The following CCDC6 variants were observed in gnomAD, a reference collection of about 807,000 sequenced individuals.
CCDC6 encodes coiled-coil domain-containing protein 6.
Under a neutral mutation model 56.6 loss-of-function variants are expected in CCDC6, and 20 were observed. The observed-to-expected ratio is 0.35, with a 90% CI of 0.25 to 0.51. The LOEUF (loss-of-function observed/expected upper bound fraction) is 0.51, where lower values mean the gene tolerates loss of function less well. CCDC6 is among the 20% of genes least tolerant of loss of function. CCDC6 has a pLI of 0.95. For missense variants in CCDC6, 367 were observed against 601.1 expected, an observed-to-expected ratio of 0.61 and a Z score of 4.07; for synonymous variants, 241 against 234.4, an observed-to-expected ratio of 1.03 and a Z score of -0.26.
chr10:59,885,330 C>T (rs978829501), intron 1 of CCDC6, among the ~76,000 whole-genome samples: 23 of 152,196 alleles, frequency 1.5e-4, no homozygotes, highest in African/African-American at 5.3e-4. Context: ...AAAACACATC[C>T]TAATGAAAAA....
At chr10:59,848,572 G>A (rs905679315) in intron 2 of CCDC6, among the ~76,000 whole-genome samples, 15 of 152,138 alleles carry the variant, frequency 9.9e-5, no homozygotes, top group Non-Finnish European at 2.2e-4. Context: ...CAGCTACCTG[G>A]AAGGTGAACT....
chr10:59,896,673 GA>G (rs888502383), intron 1 of CCDC6, among the ~76,000 whole-genome samples: 8 of 150,238 alleles, frequency 5.3e-5, no homozygotes, highest in South Asian at 2.1e-4. Context: ...TACCAGGGAG[GA>G]AAAAAAAATG....
Position 59,906,510 on chromosome 10 carries a change from G to T in CCDC6, c.-86C>A. 2 of 1,178,406 alleles carry T rather than the reference G, an allele frequency of 1.7e-6. No individual in the cohort carries two copies. The highest frequency in any genetic ancestry group is 2.3e-6 in the Non-Finnish European group (2 of 885,470). 73.0% of individuals were successfully genotyped at this position (1,178,406 alleles called of 1,614,324 possible). The stretch of plus-strand genomic sequence containing the variant: ...GGCTGCGAATGAGTGGGCGCCGGGC[G>T]AGCACAGGGGAGCGCCGAGCTGAGC... On this transcript the variant is annotated 5_prime_UTR_variant, in exon 1 of 9. Transcript: ENST00000263102.
rs112698984 is a variant in CCDC6, at chr10:59,805,936, C to T, written c.1004+986G>A. ...ACAGAGTACAGATGTGCTAACATTG[C>T]CTACATGTTTTGGACAGCACGTATT... On this transcript the variant is annotated intron_variant, in intron 6 of 8. Transcript: ENST00000263102. 2.6e-3 allele frequency among the ~76,000 whole-genome samples: 398 copies of T among 152,224 alleles called. 3 individuals carry two copies. Among genetic ancestry groups the T allele is most frequent in the African/African-American group, 8.9e-3 (370 of 41,538 alleles).
chr10:59,856,338 C>A (rs2071080090), intron 1 of CCDC6, among the ~76,000 whole-genome samples: 2 of 118,520 alleles, frequency 1.7e-5, no homozygotes, highest in African/African-American at 4.2e-5. Flanking sequence ...TCCAATACAG[C>A]CTTAGGTAAA....
In CCDC6 at chr10:59,791,705, CA is replaced by C. The variant is rs1747429251; in HGVS notation, c.*1211del. On this transcript the variant is annotated 3_prime_UTR_variant, in exon 9 of 9. Transcript: ENST00000263102. The stretch of plus-strand genomic sequence containing the variant: ...GTACAAAACAGCAACTGCTGAAAAA[CA>C]AAAATTAAGATGTTGCACGTGTTAA... 4.7e-6 allele frequency: 1 copy of C among 211,976 alleles called. No individual in the cohort carries two copies. The highest frequency in any genetic ancestry group is 7.1e-5 in the East Asian group (1 of 14,026). 13.1% of individuals were successfully genotyped at this position (211,976 alleles called of 1,614,324 possible).
chr10:59,878,461 A>G (rs1016786914), intron 1 of CCDC6, among the ~76,000 whole-genome samples: 1 of 152,180 alleles, frequency 6.6e-6, no homozygotes, highest in Admixed American at 6.5e-5. Context: ...CTCGCCATTT[A>G]TATCAGCCAG....
intron 2 of CCDC6, among the ~76,000 whole-genome samples, chr10:59,845,894 T>C (rs772340844): frequency 1.1e-4 from 17 of 152,242 alleles, no homozygotes; most frequent in East Asian, 5.8e-4. Context: ...AATGGTGTCA[T>C]AGTCTTGGCG....
chr10:59,895,439 G>A (rs2071454864), intron 1 of CCDC6, among the ~76,000 whole-genome samples: 1 of 152,234 alleles, frequency 6.6e-6, no homozygotes, highest in Non-Finnish European at 1.5e-5. Context: ...TCAGGCAAGT[G>A]ATACAAGCTT....
At chr10:59,897,048 G>A (rs1002930232) in intron 1 of CCDC6, among the ~76,000 whole-genome samples, 2 of 152,054 alleles carry the variant, frequency 1.3e-5, no homozygotes, top group South Asian at 4.2e-4. Flanking sequence ...ACTTAAAACA[G>A]TACTCTTTGG....
chr10:59,818,497 G>GGGGC (rs1554883200), intron 3 of CCDC6, among the ~76,000 whole-genome samples: 5 of 103,484 alleles, frequency 4.8e-5, no homozygotes, highest in South Asian at 2.9e-4. Flanking sequence ...AATGTTGACG[G>GGGGC]GGGGGGGGGA....
chr10:59,897,579 C>T (rs2071473245), intron 1 of CCDC6, among the ~76,000 whole-genome samples: 4 of 152,088 alleles, frequency 2.6e-5, no homozygotes, highest in Admixed American at 2.6e-4. Flanking sequence ...TTTAAAAAGT[C>T]AAGCTTGCAT....
intron 1 of CCDC6, among the ~76,000 whole-genome samples, chr10:59,886,478 G>A (rs1171817): frequency 0.64 from 96,651 of 152,034 alleles, 31,163 homozygotes; most frequent in East Asian, 0.85. Flanking sequence ...ATCTGGCATC[G>A]CTACTTCTAC....
rs10605676 is a variant in CCDC6 at position 59,818,495 on chromosome 10, CGG to C, written c.583-3742_583-3741del. 4.3e-3 allele frequency among the ~76,000 whole-genome samples: 361 copies of C among 83,148 alleles called. 21 individuals are homozygous for C. Among genetic ancestry groups the C allele is most frequent in the Admixed American group, 0.019 (127 of 6,774 alleles). The allele number at this position is 83,148 out of a possible 152,430, so 54.5% of individuals were successfully genotyped here. On this transcript the variant is annotated intron_variant, in intron 3 of 8. Coordinates refer to ENST00000263102, the MANE Select transcript of CCDC6 (RefSeq NM_005436.5). ...CAACGTCCTTTTATTATAATGTTGA[CGG>C]GGGGGGGGGAAGCAGATTCTCAGTG...
chr10:59,861,317 C>T lies in CCDC6; in HGVS notation c.304-8615G>A, dbSNP rs148836782. Among the ~76,000 whole-genome samples the T allele has an allele frequency of 1.1e-4, 17 of 151,914 alleles. No homozygotes were observed. The East Asian group carries it at 3.3e-3, about 29-fold the overall frequency. ...GAGGCTGCAGAGAGCCTTGATCGTGCCACTGCACTCTAGCCTGGGCAACGG... is the reference window on the plus strand; with the variant it reads ...GAGGCTGCAGAGAGCCTTGATCGTGTCACTGCACTCTAGCCTGGGCAACGG... On this transcript the variant is annotated intron_variant, in intron 1 of 8. Coordinates refer to ENST00000263102, the MANE Select transcript of CCDC6 (RefSeq NM_005436.5).
intron 7 of CCDC6, among the ~76,000 whole-genome samples, chr10:59,795,291 GA>G (rs1323614085): frequency 6.6e-6 from 1 of 151,870 alleles, no homozygotes; most frequent in Non-Finnish European, 1.5e-5. Context: ...ATAGTCCAAT[GA>G]AAAAATGCAC....
intron 7 of CCDC6, 145 bp downstream of exon 7, chr10:59,804,275 G>T (rs995538661): frequency 1.8e-6 from 1 of 559,300 alleles, no homozygotes; most frequent in Non-Finnish European, 3.2e-6. Context: ...AGCCTTGAGA[G>T]TGATGAGTTT....
chr10:59,855,314 T>G (rs938707607), intron 1 of CCDC6, among the ~76,000 whole-genome samples: 2 of 152,212 alleles, frequency 1.3e-5, no homozygotes, highest in East Asian at 3.8e-4. Flanking sequence ...ATGCCCGTAA[T>G]CCCACCACTT....
At chr10:59,808,173 C>T (rs1489512372) in intron 5 of CCDC6, among the ~76,000 whole-genome samples, 3 of 152,084 alleles carry the variant, frequency 2.0e-5, no homozygotes, top group Non-Finnish European at 4.4e-5. Flanking sequence ...ACCCATCTCC[C>T]AGGACAGAGC....
Sources: allele counts gnomAD v4.1 joint callset (sites outside exome capture counted in the v4.1 genomes callset), GRCh38; gene constraint gnomAD v4.1.1; transcripts MANE v1.5; gene names NCBI Gene and HGNC (gene_info 2026-07-23, HGNC 2026-07-21).